SLC16A6: variants seen among roughly 807,000 people sequenced by gnomAD.
SLC16A6 encodes monocarboxylate transporter 7.
A neutral mutation model predicts 33.8 loss-of-function variants in SLC16A6; 15 were observed. That is an observed-to-expected ratio of 0.44 (90% CI 0.30 to 0.68). The LOEUF (loss-of-function observed/expected upper bound fraction) is 0.68, where lower values mean the gene tolerates loss of function less well. SLC16A6 is among the 30% of genes least tolerant of loss of function. SLC16A6 has a pLI of 0.10. For synonymous variants in SLC16A6, 219 were observed against 248.4 expected (o/e 0.88, Z 1.11); for missense variants, 451 against 661.5 (o/e 0.68, Z 3.49).
intron 1 of SLC16A6, among the ~76,000 whole-genome samples, chr17:68,281,738 G>A (rs1443501353): frequency 6.6e-6 from 1 of 152,116 alleles, no homozygotes; most frequent in Non-Finnish European, 1.5e-5. Context: ...CATTTGGGAT[G>A]GCTATGATCA....
At chr17:68,280,601 T>G (rs2075663030) in intron 1 of SLC16A6, among the ~76,000 whole-genome samples, 2 of 152,174 alleles carry the variant, frequency 1.3e-5, no homozygotes, top group African/African-American at 4.8e-5. Context: ...ACAATGAAAC[T>G]AAATCCCCAC....
At chr17:68,282,492 TA>T (rs61418415) in intron 1 of SLC16A6, among the ~76,000 whole-genome samples, 69,346 of 145,170 alleles carry the variant, frequency 0.48, 17,245 homozygotes, top group African/African-American at 0.66. Flanking sequence ...CCCTAGAACT[TA>T]AAAAAAAAAA....
intron 1 of SLC16A6, among the ~76,000 whole-genome samples, chr17:68,289,337 C>T (rs1167167370): frequency 1.3e-5 from 2 of 152,082 alleles, no homozygotes; most frequent in African/African-American, 4.8e-5. Flanking sequence ...CTTGGAAATC[C>T]GCTATCCTTG....
At chr17:68,290,317 A>G (rs1555755396) in intron 1 of SLC16A6, among the ~76,000 whole-genome samples, 2 of 152,140 alleles carry the variant, frequency 1.3e-5, no homozygotes, top group African/African-American at 2.4e-5. Context: ...CTGTCTTGCT[A>G]GGGTGGGGGG....
At chr17:68,284,330 G>A (rs2075793348) in intron 1 of SLC16A6, among the ~76,000 whole-genome samples, 1 of 152,194 alleles carries the variant, frequency 6.6e-6, no homozygotes, top group South Asian at 2.1e-4. Flanking sequence ...GGAGGCAGAG[G>A]TTGCAATGAG....
chr17:68,274,184 G>C, intron 2 of SLC16A6, 114 bp from the exon 3 acceptor site: 1 of 1,179,926 alleles, frequency 8.5e-7, no homozygotes, highest in African/African-American at 1.5e-5. Context: ...ATATAAATAT[G>C]GCCGAGCGCA....
At chr17:68,269,890 C>G (rs1413813444) in intron 5 of SLC16A6, among the ~76,000 whole-genome samples, 20 of 151,952 alleles carry the variant, frequency 1.3e-4, no homozygotes, top group Admixed American at 3.9e-4. Context: ...CCAGGCTGGT[C>G]TGGAACTCCT....
At chr17:68,278,398 C>T in intron 1 of SLC16A6, 71 bp from the exon 2 acceptor site, 1 of 925,306 alleles carries the variant, frequency 1.1e-6, no homozygotes, top group East Asian at 2.6e-5. Context: ...TACTCTTAAG[C>T]AAACAACAGA....
chr17:68,276,863 C>T (rs2075540382), intron 2 of SLC16A6, among the ~76,000 whole-genome samples: 1 of 152,150 alleles, frequency 6.6e-6, no homozygotes, highest in Non-Finnish European at 1.5e-5. Flanking sequence ...TATTCAATAG[C>T]CCTTTATAGG....
intron 1 of SLC16A6, among the ~76,000 whole-genome samples, chr17:68,285,388 G>A (rs957182385): frequency 4.6e-5 from 7 of 151,792 alleles, no homozygotes; most frequent in East Asian, 1.9e-4. Flanking sequence ...TCCTGGGCTC[G>A]TGCAGGGCAC....
chr17:68,272,714 A>T lies in SLC16A6; in HGVS notation c.430T>A (p.Phe144Ile), dbSNP rs2075381740. Residue 144 changes from phenylalanine (F) to isoleucine (I), a missense_variant, in exon 4 of 6, where the codon TTT becomes ATT. Physicochemically the swap from Phe to Ile is conservative, Grantham distance 21. Around this residue, in one of 2 missense-constraint regions of SLC16A6, gnomAD observed 405 missense variants for 510.7 expected, o/e 0.79. Coordinates refer to ENST00000580666, the MANE Select transcript of SLC16A6 (RefSeq NM_004694.5). ...LPTVTILSQY[F>I]GKRRSIVTAV... ...GTGACTATGGAACGTCTTTTGCCAA[A>T]ATATTGTGATAGGATGGTTACAGTT... 6.2e-7 allele frequency: 1 copy of T among 1,614,096 alleles called. No individual in the cohort carries two copies. Among genetic ancestry groups the T allele is most frequent in the Non-Finnish European group, 8.5e-7 (1 of 1,180,030 alleles).
chr17:68,271,109 G>A lies in SLC16A6; in HGVS notation c.1051C>T (p.Leu351Phe), dbSNP rs1860795723. The A allele has an allele frequency of 6.2e-7, 1 of 1,614,146 alleles. No individual in the cohort carries two copies. ...ATCTTACGAATGGGCTCCCTGTTGA[G>A]GACAAAACCAGCTCCGATCCTTCCG... ...VFGRIGAGFVLNREPIRKIYI... is the reference protein window; with the variant it reads ...VFGRIGAGFVFNREPIRKIYI... Residue 351 changes from leucine to phenylalanine, a missense_variant, in exon 5 of 6, where the codon CTC (leucine) becomes TTC (phenylalanine). This residue lies in a region of SLC16A6 where 405 missense variants were observed against 510.7 expected (regional missense o/e 0.79). Transcript: ENST00000580666. This position sits in a 1 kb window ranked among gnomAD's most constrained non-coding sequence, Gnocchi z 5.3.
rs781907337 is a variant in SLC16A6 at position 68,271,528 on chromosome 17, G to A, written c.632C>T (p.Pro211Leu). 15 of 1,614,004 alleles carry A rather than the reference G, an allele frequency of 9.3e-6. No homozygotes were observed. In the East Asian group the frequency reaches 1.3e-4, roughly 14 times the overall value. Residue 211 changes from proline to leucine, a missense_variant, in exon 5 of 6, where the codon CCG becomes CTG. Physicochemically the swap from Pro to Leu is moderately conservative, Grantham distance 98 (BLOSUM62 -3). This residue lies in a region of SLC16A6 where 405 missense variants were observed against 510.7 expected (regional missense o/e 0.79). Transcript: ENST00000580666. The surrounding 1 kb of genome is among the most constrained non-coding windows in gnomAD (Gnocchi z 5.3). ...CCGATTTTCCTGGATGACTATTTTC[G>A]GTGACGCTGGTCCTCTGATAAAGAT... ...RPIFIRGPAS[P>L]KIVIQENRKE...
chr17:68,279,828 C>A (rs183238513), intron 1 of SLC16A6, among the ~76,000 whole-genome samples: 1 of 152,230 alleles, frequency 6.6e-6, no homozygotes, highest in African/African-American at 2.4e-5. Context: ...TTAATGATAT[C>A]TATAATAATC....
rs141718604 is a variant in SLC16A6, at chr17:68,271,605, G to A, written c.555C>T (p.Phe185=). ...CAATGTTTAACTGTAGTAGGCCCAC[G>A]AAGAGGAGGCTGTATCTCCAGCCAA... ...ERIGWRYSLL[F]VGLLQLNIVI... Residue 185 remains phenylalanine, a synonymous_variant, in exon 5 of 6, where the codon TTC becomes TTT. Coordinates refer to ENST00000580666, the MANE Select transcript of SLC16A6 (RefSeq NM_004694.5). This position sits in a 1 kb window ranked among gnomAD's most constrained non-coding sequence, Gnocchi z 5.3. 11 of 1,613,920 alleles carry A rather than the reference G, an allele frequency of 6.8e-6. No individual in the cohort carries two copies. Among genetic ancestry groups the A allele is most frequent in the South Asian group, 2.2e-5 (2 of 91,082 alleles).
At position 68,271,050 on chromosome 17, in the gene SLC16A6, A is replaced by G; in HGVS notation, c.1110T>C (p.Thr370=). The change falls in exon 5 of 6, where the codon ACT becomes ACC. Residue 370 remains threonine, a synonymous_variant. Coordinates refer to ENST00000580666, the MANE Select transcript of SLC16A6 (RefSeq NM_004694.5). This position sits in a 1 kb window ranked among gnomAD's most constrained non-coding sequence, Gnocchi z 5.3. Reference sequence around the variant, plus strand: ...CAAAAGTAAAGGCAAACAGAGACACAGTCAATAAGATGACGCAGATGAGCT... The same window carrying G: ...CAAAAGTAAAGGCAAACAGAGACACGGTCAATAAGATGACGCAGATGAGCT... ...YIELICVILL[T]VSLFAFTFAT... 6.2e-7 allele frequency: 1 copy of G among 1,614,240 alleles called. No individual in the cohort carries two copies. Among genetic ancestry groups the G allele is most frequent in the African/African-American group, 1.3e-5 (1 of 75,052 alleles).
rs782713311 is a variant in SLC16A6 at position 68,271,571 on chromosome 17, C to T, written c.589G>A (p.Gly197Arg). 11 of 1,614,088 alleles carry T rather than the reference C, an allele frequency of 6.8e-6. No homozygotes were observed. The highest frequency in any genetic ancestry group is 9.3e-6 in the Non-Finnish European group (11 of 1,180,002). Residue 197 changes from glycine (G) to arginine (R), a missense_variant, in exon 5 of 6, where the codon GGA becomes AGA. Gly to Arg is a moderately radical substitution (Grantham distance 125). Around this residue, in one of 2 missense-constraint regions of SLC16A6, gnomAD observed 405 missense variants for 510.7 expected, o/e 0.79. Transcript: ENST00000580666. This position sits in a 1 kb window ranked among gnomAD's most constrained non-coding sequence, Gnocchi z 5.3. ...ATAAAGATGGGTCTGAGCAGTGCTC[C>T]GAAGATGACAATGTTTAACTGTAGT... ...GLLQLNIVIF[G>R]ALLRPIFIRG...
rs113598461 is a variant in SLC16A6, at chr17:68,282,947, C to CA, written c.-7-4621dup. 372 of 90,622 alleles carry CA rather than the reference C, an allele frequency of 4.1e-3. 3 individuals carry two copies. The highest frequency in any genetic ancestry group is 0.018 in the South Asian group (52 of 2,816). 5.6% of individuals were successfully genotyped at this position (90,622 alleles called of 1,614,324 possible). ...CGGGTGACAGTGCAAGACTCTGTCT[C>CA]AAAAAAAAAAAAAAAAGAAAGAAAA... On this transcript the variant is annotated intron_variant, in intron 1 of 5. Coordinates refer to ENST00000580666, the MANE Select transcript of SLC16A6 (RefSeq NM_004694.5).
Position 68,271,371 on chromosome 17 carries a change from G to T in SLC16A6, c.789C>A (p.Ala263=), listed in dbSNP as rs142658044. 1.5e-4 allele frequency: 236 copies of T among 1,613,476 alleles called. 2 individuals carry two copies. The highest frequency in any genetic ancestry group is 2.5e-4 in the East Asian group (11 of 44,896). The change falls in exon 5 of 6, where the codon GCC becomes GCA. Residue 263 remains alanine (A), a synonymous_variant. Transcript: ENST00000580666. The surrounding 1 kb of genome is among the most constrained non-coding windows in gnomAD (Gnocchi z 5.3). ...THTNLELEPK[A]DMQQVLVKTS... The stretch of plus-strand genomic sequence containing the variant: ...TCTTCACCAGGACCTGCTGCATGTC[G>T]GCCTTCGGCTCCAGTTCCAGGTTAG...
Sources: gnomAD v4.1 joint callset for allele counts (sites outside exome capture counted in the v4.1 genomes callset) on GRCh38, gnomAD v4.1.1 for gene constraint, gnomAD v4.1.1 regional missense constraint, Gnocchi (gnomAD v3.1) non-coding constraint, MANE v1.5 for transcripts, NCBI Gene and HGNC (gene_info 2026-07-23, HGNC 2026-07-21) for gene names.